The following SPAG16 variants were observed in gnomAD, a reference collection of about 807,000 sequenced individuals.
SPAG16 encodes sperm-associated antigen 16 protein.
In SPAG16, 86 loss-of-function variants were observed where a neutral mutation model predicts 80.4. The observed-to-expected ratio is 1.07, with a 90% confidence interval of 0.90 to 1.28. The LOEUF is 1.28. Among genes scored for constraint, SPAG16 ranks in the 50% most tolerant of loss-of-function variants. SPAG16 has a pLI of 0.00. For synonymous variants in SPAG16, 294 were observed against 265.9 expected (o/e 1.11, Z -1.03); for missense variants, 870 against 765.3 (o/e 1.14, Z -1.61).
chr2:213,903,131 A>G (rs2077287430), intron 11 of SPAG16, among the ~76,000 whole-genome samples: 1 of 152,102 alleles, frequency 6.6e-6, no homozygotes, highest in Admixed American at 6.5e-5. Context: ...TTCCAGGGGC[A>G]CAGTGCAAGC....
chr2:213,616,968 A>G (rs924538478), intron 10 of SPAG16, among the ~76,000 whole-genome samples: 2 of 152,168 alleles, frequency 1.3e-5, no homozygotes, highest in Non-Finnish European at 2.9e-5. Flanking sequence ...ATTGTAGCTC[A>G]GTCTGGATGG....
At chr2:213,737,654 A>C (rs910343916) in intron 10 of SPAG16, among the ~76,000 whole-genome samples, 17 of 151,732 alleles carry the variant, frequency 1.1e-4, no homozygotes, top group African/African-American at 3.9e-4. Context: ...CGCCCGGCTA[A>C]TTTTTTTGTA....
intron 10 of SPAG16, among the ~76,000 whole-genome samples, chr2:213,622,748 C>A (rs1437935604): frequency 1.3e-5 from 2 of 152,068 alleles, no homozygotes; most frequent in East Asian, 3.9e-4. Flanking sequence ...ACTATGCAAA[C>A]TTAGCAATAT....
intron 10 of SPAG16, among the ~76,000 whole-genome samples, chr2:213,663,769 T>A (rs1354316156): frequency 6.6e-6 from 1 of 152,094 alleles, no homozygotes; most frequent in East Asian, 1.9e-4. Context: ...TAATGGCTCA[T>A]ACATTTGATG....
intron 10 of SPAG16, among the ~76,000 whole-genome samples, chr2:213,703,865 A>C (rs1297528720): frequency 2.0e-5 from 3 of 152,180 alleles, no homozygotes; most frequent in Admixed American, 6.5e-5. Context: ...AGTCTGGCAG[A>C]TCCTCCTACC....
chr2:213,403,420 T>C (rs182817993), intron 9 of SPAG16, among the ~76,000 whole-genome samples: 1 of 152,282 alleles, frequency 6.6e-6, no homozygotes, highest in Admixed American at 6.5e-5. Context: ...GTGCAGAAAA[T>C]GTTATCCAGC....
intron 10 of SPAG16, among the ~76,000 whole-genome samples, chr2:213,634,390 G>T (rs1277450014): frequency 6.6e-6 from 1 of 152,036 alleles, no homozygotes; most frequent in Non-Finnish European, 1.5e-5. Context: ...TTGACAAGTT[G>T]TGGTAGTTAC....
intron 10 of SPAG16, among the ~76,000 whole-genome samples, chr2:213,603,157 G>T (rs1012409492): frequency 2.0e-5 from 3 of 152,180 alleles, no homozygotes; most frequent in African/African-American, 7.2e-5. Context: ...CTCTATCTTA[G>T]AAATATAACA....
chr2:213,853,039 C>T (rs2074983401), intron 10 of SPAG16, among the ~76,000 whole-genome samples: 1 of 152,132 alleles, frequency 6.6e-6, no homozygotes, highest in African/African-American at 2.4e-5. Context: ...TCTTTAAGGA[C>T]AGGTAGGTAA....
intron 10 of SPAG16, among the ~76,000 whole-genome samples, chr2:213,824,405 A>T (rs1434153636): frequency 6.6e-6 from 1 of 152,056 alleles, no homozygotes; most frequent in African/African-American, 2.4e-5. Flanking sequence ...ACCCATTTAT[A>T]TTGATTTTTA....
At chr2:213,434,150 C>A (rs2070479375) in intron 9 of SPAG16, among the ~76,000 whole-genome samples, 1 of 152,108 alleles carries the variant, frequency 6.6e-6, no homozygotes, top group Admixed American at 6.6e-5. Flanking sequence ...GAACTCCTGA[C>A]CTCAGGTGAT....
intron 10 of SPAG16, among the ~76,000 whole-genome samples, chr2:213,815,630 G>A (rs1016291096): frequency 2.6e-5 from 4 of 151,852 alleles, no homozygotes; most frequent in South Asian, 4.1e-4. Flanking sequence ...GGGCCAAAGG[G>A]TATCCCTTTG....
chr2:213,804,818 G>A (rs148536608), intron 10 of SPAG16, among the ~76,000 whole-genome samples: 1 of 152,208 alleles, frequency 6.6e-6, no homozygotes, highest in Non-Finnish European at 1.5e-5. Context: ...GTGCCTGAAA[G>A]GAGAGAGCTC....
chr2:213,531,322 C>T (rs1166237251), intron 10 of SPAG16, among the ~76,000 whole-genome samples: 1 of 150,934 alleles, frequency 6.6e-6, no homozygotes, highest in Non-Finnish European at 1.5e-5. Flanking sequence ...CTTTGTTTTG[C>T]TCATGCATTT....
chr2:214,336,078 C>T (rs1007009076), intron 15 of SPAG16, among the ~76,000 whole-genome samples: 2 of 152,124 alleles, frequency 1.3e-5, no homozygotes, highest in African/African-American at 4.8e-5. Flanking sequence ...ATTCACTTTA[C>T]ATAAAGTACT....
intron 10 of SPAG16, among the ~76,000 whole-genome samples, chr2:213,615,904 C>T (rs1356322144): frequency 2.0e-5 from 3 of 151,310 alleles, no homozygotes; most frequent in Non-Finnish European, 4.4e-5. Context: ...GGGGTGGGGG[C>T]AAGGGGAGGG....
chr2:213,631,297 T>TA (rs1345394056), intron 10 of SPAG16, among the ~76,000 whole-genome samples: 1 of 152,224 alleles, frequency 6.6e-6, no homozygotes, highest in Non-Finnish European at 1.5e-5. Context: ...GTGAACAGTG[T>TA]AAACTCCCAG....
At chr2:214,308,199 A>G (rs1695048554) in intron 15 of SPAG16, among the ~76,000 whole-genome samples, 1 of 152,178 alleles carries the variant, frequency 6.6e-6, no homozygotes, top group South Asian at 2.1e-4. Context: ...GTCTAAAATT[A>G]GGATTGCAAC....
intron 9 of SPAG16, among the ~76,000 whole-genome samples, chr2:213,380,886 G>A (rs572253630): frequency 3.9e-5 from 6 of 152,096 alleles, no homozygotes; most frequent in African/African-American, 1.2e-4. Context: ...GCAGCCCTTC[G>A]GGTCACTCGA....
Sources: allele counts gnomAD v4.1 joint callset (sites outside exome capture counted in the v4.1 genomes callset), GRCh38; gene constraint gnomAD v4.1.1; transcripts MANE v1.5; gene names NCBI Gene and HGNC (gene_info 2026-07-23, HGNC 2026-07-21).